The following SLC35A5 variants were observed in gnomAD, a reference collection of about 807,000 sequenced individuals.
SLC35A5 encodes the protein solute carrier family 35 member A5, also known as UDP-sugar transporter protein SLC35A5.
Under a neutral mutation model 36.3 loss-of-function variants are expected in SLC35A5, and 28 were observed. The observed-to-expected ratio is 0.77, with a 90% CI of 0.57 to 1.06. The LOEUF is 1.06. SLC35A5 is among the 50% of genes least tolerant of loss of function. SLC35A5 has a pLI of 0.00. For missense variants in SLC35A5, 521 were observed against 499.3 expected (o/e 1.04, Z -0.41); for synonymous variants, 180 against 173.7 (o/e 1.04, Z -0.29).
chr3:112,579,961 A>G (rs1934829704), intron 5 of SLC35A5, among the ~76,000 whole-genome samples: 1 of 152,234 alleles, frequency 6.6e-6, no homozygotes, highest in Admixed American at 6.5e-5. Flanking sequence ...GTAAACTGAA[A>G]TACTGCCCAA....
chr3:112,572,569 A>G lies in SLC35A5; in HGVS notation c.361-1320A>G, dbSNP rs1158428670. Among the ~76,000 whole-genome samples the G allele has an allele frequency of 2.0e-5, 3 of 152,174 alleles. 1 individual carries two copies. Among genetic ancestry groups the G allele is most frequent in the South Asian group, 4.1e-4 (2 of 4,820 alleles). On this transcript the variant is annotated intron_variant, in intron 4 of 6. Transcript: ENST00000492406. ...GTGTCTCTTTTCTGTGTCCCCCAGT[A>G]CCAAAGCAAAATGGCAACTTCCTTA...
chr3:112,573,825 G>A, intron 4 of SLC35A5, 64 bp from the exon 5 acceptor site: 1 of 1,392,242 alleles, frequency 7.2e-7, no homozygotes, highest in Middle Eastern at 1.8e-4. Context: ...GAACTGCCAA[G>A]CTAAGACATT....
chr3:112,576,735 T>C (rs1417943900), intron 5 of SLC35A5, among the ~76,000 whole-genome samples: 1 of 152,242 alleles, frequency 6.6e-6, no homozygotes, highest in Non-Finnish European at 1.5e-5. Context: ...TTCCTTCCAA[T>C]TTTTAAAGCT....
intron 4 of SLC35A5, among the ~76,000 whole-genome samples, chr3:112,573,315 C>A (rs757935096): frequency 6.6e-6 from 1 of 152,062 alleles, no homozygotes; most frequent in African/African-American, 2.4e-5. Context: ...GGACTGAATT[C>A]GTAAAAACAA....
In SLC35A5 at chr3:112,584,629, C is replaced by T. The variant is rs1935075826; in HGVS notation, c.*1893C>T. 2 of 152,220 alleles carry T rather than the reference C, an allele frequency of 1.3e-5. No individual in the cohort carries two copies. Among genetic ancestry groups the T allele is most frequent in the South Asian group, 4.1e-4 (2 of 4,824 alleles). The allele number at this position is 152,220 out of a possible 1,614,324, so 9.4% of individuals were successfully genotyped here. ...GAGAGAGGAAGAGAAAGAGTGAGAG[C>T]ACAAGATCATGTGCTGGAACTAAAA... On this transcript the variant is annotated 3_prime_UTR_variant, in exon 7 of 7. Coordinates refer to ENST00000492406, the MANE Select transcript of SLC35A5 (RefSeq NM_017945.5).
chr3:112,581,230 T>A lies in SLC35A5; in HGVS notation c.1113T>A (p.Phe371Leu), dbSNP rs1373006036. Residue 371 changes from phenylalanine to leucine, a missense_variant, in exon 6 of 7, where the codon TTT becomes TTA. Transcript: ENST00000492406. The stretch of plus-strand genomic sequence containing the variant: ...CCCCATCAGTCCTTCTCTCTATATT[T>A]ATTTATAATGCCAGCAAGCCTCAAG... ...LEAPSVLLSI[F>L]IYNASKPQVP... is the part of the protein sequence containing the mutation. 15 of 1,613,756 alleles carry A rather than the reference T, an allele frequency of 9.3e-6. No individual in the cohort carries two copies. Among genetic ancestry groups the A allele is most frequent in the Admixed American group, 1.7e-5 (1 of 59,958 alleles).
chr3:112,581,189 G>T lies in SLC35A5; in HGVS notation c.1072G>T (p.Glu358Ter). ...VLVFDFRPSL[E>*]FFLEAPSVLL... ...GGTCTTTGACTTCAGGCCCTCCCTG[G>T]AATTTTTCTTGGAAGCCCCATCAGT... The change falls in exon 6 of 7, where the codon GAA (glutamate) becomes TAA (stop). Residue 358 changes from glutamate to a stop codon, truncating the protein, a stop_gained. Coordinates refer to ENST00000492406, the MANE Select transcript of SLC35A5 (RefSeq NM_017945.5). LOFTEE classifies it high-confidence loss of function. The T allele has an allele frequency of 6.2e-6, 10 of 1,613,864 alleles. No individual in the cohort carries two copies. The highest frequency in any genetic ancestry group is 8.5e-6 in the Non-Finnish European group (10 of 1,179,922).
intron 6 of SLC35A5, among the ~76,000 whole-genome samples, chr3:112,582,188 A>T (rs1019196861): frequency 1.3e-5 from 2 of 152,142 alleles, no homozygotes; most frequent in African/African-American, 4.8e-5. Context: ...TTCATAGCAG[A>T]GCTTCCCTGG....
chr3:112,566,408 A>G (rs1934198823), intron 2 of SLC35A5, among the ~76,000 whole-genome samples: 1 of 152,250 alleles, frequency 6.6e-6, no homozygotes, highest in South Asian at 2.1e-4. Flanking sequence ...AATAAGTTAA[A>G]TGTTCTAGAA....
At position 112,582,791 on chromosome 3, in the gene SLC35A5, T is replaced by G. The variant is rs760949218; in HGVS notation, c.*55T>G. On this transcript the variant is annotated 3_prime_UTR_variant, in exon 7 of 7. Coordinates refer to ENST00000492406, the MANE Select transcript of SLC35A5 (RefSeq NM_017945.5). Reference sequence around the variant, plus strand: ...GAACCTTATTTTCACATTTTCAGTGTTTGTAATATTTATCTTTTCACTTTG... The same window carrying G: ...GAACCTTATTTTCACATTTTCAGTGGTTGTAATATTTATCTTTTCACTTTG... 60 of 1,360,916 alleles carry G rather than the reference T, an allele frequency of 4.4e-5. No homozygotes were observed. The highest frequency in any genetic ancestry group is 6.0e-5 in the Non-Finnish European group (58 of 960,340). The allele number at this position is 1,360,916 out of a possible 1,614,324, so 84.3% of individuals were successfully genotyped here.
chr3:112,580,608 T>C lies in SLC35A5; in HGVS notation c.491T>C (p.Leu164Ser). The change falls in exon 6 of 7, where the codon TTG (leucine) becomes TCG (serine). Residue 164 changes from leucine (L) to serine (S), a missense_variant. Leu to Ser is a moderately radical substitution (Grantham distance 145). Transcript: ENST00000492406. ...LLTLFLSIVA[L>S]TAGTKTLQHN... The stretch of plus-strand genomic sequence containing the variant: ...ACTTTATTTTTGTCTATTGTGGCCT[T>C]GACTGCCGGGACTAAAACTTTACAG... 1 of 1,614,108 alleles carries C rather than the reference T, an allele frequency of 6.2e-7. No homozygotes were observed. Among genetic ancestry groups the C allele is most frequent in the Non-Finnish European group, 8.5e-7 (1 of 1,179,968 alleles).
intron 3 of SLC35A5, among the ~76,000 whole-genome samples, chr3:112,570,038 T>C (rs1423323900): frequency 6.6e-6 from 1 of 152,220 alleles, no homozygotes; most frequent in African/African-American, 2.4e-5. Flanking sequence ...TTTCTTTTTG[T>C]TTTACATTCT....
At chr3:112,572,161 C>A (rs1934475995) in intron 4 of SLC35A5, among the ~76,000 whole-genome samples, 1 of 150,296 alleles carries the variant, frequency 6.7e-6, no homozygotes, top group Non-Finnish European at 1.5e-5. Flanking sequence ...CCAGGATGGT[C>A]TCGATCTCCT....
At chr3:112,581,986 GCT>G (rs68021250) in intron 6 of SLC35A5, among the ~76,000 whole-genome samples, 10,188 of 152,192 alleles carry the variant, frequency 0.067, 425 homozygotes, top group Admixed American at 0.12. Context: ...GTTTTGGAAG[GCT>G]CTGTCAATCA....
intron 2 of SLC35A5, among the ~76,000 whole-genome samples, chr3:112,565,591 A>C (rs1006816588): frequency 3.3e-5 from 5 of 152,210 alleles, no homozygotes; most frequent in African/African-American, 1.2e-4. Context: ...CAGGCTGGCC[A>C]ACATGGTGAA....
Position 112,573,896 on chromosome 3 carries a change from C to G in SLC35A5, c.368C>G (p.Ala123Gly), listed in dbSNP as rs1934560071. The change falls in exon 5 of 7, where the codon GCT becomes GGT. Residue 123 changes from alanine (A) to glycine (G), a missense_variant. Ala to Gly is a moderately conservative substitution (Grantham distance 60, BLOSUM62 0). Coordinates refer to ENST00000492406, the MANE Select transcript of SLC35A5 (RefSeq NM_017945.5). ...TCTTCTCTTTCTTTCTAGGCCATGGCTGTTATCTTCTCAAATTTTAGCATT... is the reference window on the plus strand; with the variant it reads ...TCTTCTCTTTCTTTCTAGGCCATGGGTGTTATCTTCTCAAATTTTAGCATT... ...YVLSYLQPAM[A>G]VIFSNFSIIT... 1 of 1,612,060 alleles carries G rather than the reference C, an allele frequency of 6.2e-7. No homozygotes were observed. Among genetic ancestry groups the G allele is most frequent in the South Asian group, 1.1e-5 (1 of 91,052 alleles).
intron 2 of SLC35A5, among the ~76,000 whole-genome samples, chr3:112,565,549 C>T (rs993614353): frequency 2.0e-5 from 3 of 152,086 alleles, no homozygotes; most frequent in South Asian, 2.1e-4. Flanking sequence ...AGGCCAAGGC[C>T]GGCGGATCAC....
rs1935006350 is a variant in SLC35A5 at position 112,583,094 on chromosome 3, T to C, written c.*358T>C. 5.0e-6 allele frequency: 2 copies of C among 400,868 alleles called. No individual in the cohort carries two copies. Among genetic ancestry groups the C allele is most frequent in the Admixed American group, 4.4e-5 (1 of 22,876 alleles). 24.8% of individuals were successfully genotyped at this position (400,868 alleles called of 1,614,324 possible). On this transcript the variant is annotated 3_prime_UTR_variant, in exon 7 of 7. Transcript: ENST00000492406. ...CACATAGAGATCAATTTGCCAAATA[T>C]TCACAATCATGTAGTTCTAGTTTAC...
At position 112,581,211 on chromosome 3, in the gene SLC35A5, C is replaced by G; in HGVS notation, c.1094C>G (p.Ser365Ter). The G allele has an allele frequency of 1.9e-6, 3 of 1,613,856 alleles. No homozygotes were observed. The highest frequency in any genetic ancestry group is 2.5e-6 in the Non-Finnish European group (3 of 1,179,890). ...PSLEFFLEAP[S>*]VLLSIFIYNA... ...CTGGAATTTTTCTTGGAAGCCCCATCAGTCCTTCTCTCTATATTTATTTAT... is the reference window on the plus strand; with the variant it reads ...CTGGAATTTTTCTTGGAAGCCCCATGAGTCCTTCTCTCTATATTTATTTAT... Residue 365 changes from serine to a stop codon, truncating the protein, a stop_gained, in exon 6 of 7, where the codon TCA becomes TGA. Transcript: ENST00000492406. LOFTEE classifies it high-confidence loss of function.
Sources: gnomAD v4.1 joint callset for allele counts (sites outside exome capture counted in the v4.1 genomes callset) on GRCh38, gnomAD v4.1.1 for gene constraint, MANE v1.5 for transcripts, NCBI Gene and HGNC (gene_info 2026-07-23, HGNC 2026-07-21) for gene names.